CNTNAP2: variants seen among roughly 807,000 people sequenced by gnomAD.
The protein encoded by CNTNAP2 is contactin associated protein 2, also known as contactin-associated protein-like 2.
In CNTNAP2, 98 loss-of-function variants were observed where a neutral mutation model predicts 155.2. That is an observed-to-expected ratio of 0.63 (90% CI 0.54 to 0.75). The LOEUF (loss-of-function observed/expected upper bound fraction) is 0.75, where lower values mean the gene tolerates loss of function less well. CNTNAP2 is among the 30% of genes least tolerant of loss of function. The pLI is 0.00. For missense variants in CNTNAP2, 1,727 were observed against 1,688.1 expected (o/e 1.02, Z -0.40); for synonymous variants, 651 against 631.2 (o/e 1.03, Z -0.47).
intron 22 of CNTNAP2, among the ~76,000 whole-genome samples, chr7:148,395,645 T>C (rs1799450805): frequency 6.6e-6 from 1 of 152,132 alleles, no homozygotes; most frequent in Non-Finnish European, 1.5e-5. Flanking sequence ...TGGCTAAACA[T>C]GACTGGCAGC....
chr7:147,570,280 G>T (rs1035373334), intron 12 of CNTNAP2, among the ~76,000 whole-genome samples: 2 of 152,132 alleles, frequency 1.3e-5, no homozygotes, highest in African/African-American at 4.8e-5. Flanking sequence ...TACCCACCAG[G>T]TGGCTAGAAT....
At chr7:147,162,885 G>C (rs1377663202) in intron 8 of CNTNAP2, among the ~76,000 whole-genome samples, 3 of 152,184 alleles carry the variant, frequency 2.0e-5, no homozygotes, top group Non-Finnish European at 2.9e-5. Context: ...TAGCAATGGA[G>C]CTTTGCTTCT....
At chr7:147,536,129 A>G (rs559604491) in intron 11 of CNTNAP2, among the ~76,000 whole-genome samples, 2 of 152,306 alleles carry the variant, frequency 1.3e-5, no homozygotes, top group African/African-American at 4.8e-5. Context: ...TTGCATCCAC[A>G]GAGTTTACCA....
chr7:146,832,321 A>C (rs1803528257), intron 2 of CNTNAP2, among the ~76,000 whole-genome samples: 2 of 151,976 alleles, frequency 1.3e-5, no homozygotes, highest in African/African-American at 4.8e-5. Flanking sequence ...AATAAAAATT[A>C]GTTTTTCAAA....
chr7:146,502,235 A>G (rs200653332), intron 1 of CNTNAP2, among the ~76,000 whole-genome samples: 73 of 55,998 alleles, frequency 1.3e-3, no homozygotes, highest in African/African-American at 5.5e-3. Flanking sequence ...ATATATATAT[A>G]TATATATATA....
intron 3 of CNTNAP2, among the ~76,000 whole-genome samples, chr7:147,030,460 C>T (rs886486081): frequency 6.6e-6 from 1 of 152,092 alleles, no homozygotes; most frequent in Admixed American, 6.5e-5. Context: ...AGACACCCTC[C>T]TATGCAACAA....
intron 12 of CNTNAP2, among the ~76,000 whole-genome samples, chr7:147,630,974 G>T (rs1290449470): frequency 6.6e-6 from 1 of 151,926 alleles, no homozygotes; most frequent in Non-Finnish European, 1.5e-5. Flanking sequence ...CCTAGCTGTA[G>T]CAATCAGACA....
intron 1 of CNTNAP2, among the ~76,000 whole-genome samples, chr7:146,328,515 CTGTGTGTGTGTGTGTG>C (rs36098013): frequency 6.8e-6 from 1 of 147,110 alleles, no homozygotes; most frequent in African/African-American, 2.5e-5. Flanking sequence ...ACTTAGCGAC[CTGTGTGTGTGTGTGTG>C]TGTGTGTGTG....
intron 13 of CNTNAP2, among the ~76,000 whole-genome samples, chr7:147,716,397 G>C (rs796230969): frequency 2.0e-5 from 3 of 152,180 alleles, no homozygotes; most frequent in African/African-American, 7.2e-5. Flanking sequence ...TGAGCTGGTG[G>C]TGAGGCAGAG....
At chr7:146,571,734 CTTTTT>C (rs376437154) in intron 1 of CNTNAP2, among the ~76,000 whole-genome samples, 2 of 137,678 alleles carry the variant, frequency 1.5e-5, no homozygotes, top group Non-Finnish European at 3.2e-5. Flanking sequence ...TCTTTTCTTT[CTTTTT>C]TTTTTTTTTT....
chr7:146,382,906 C>A (rs1795410599), intron 1 of CNTNAP2, among the ~76,000 whole-genome samples: 1 of 152,034 alleles, frequency 6.6e-6, no homozygotes, highest in African/African-American at 2.4e-5. Context: ...GAAACGACTA[C>A]ATAAAACCTT....
At chr7:146,499,001 C>G (rs757691148) in intron 1 of CNTNAP2, among the ~76,000 whole-genome samples, 4 of 152,152 alleles carry the variant, frequency 2.6e-5, no homozygotes, top group Non-Finnish European at 5.9e-5. Flanking sequence ...TGTTTCAAAG[C>G]AAGTCCTCTA....
chr7:147,347,958 T>C (rs998415162), intron 9 of CNTNAP2, among the ~76,000 whole-genome samples: 3 of 151,918 alleles, frequency 2.0e-5, no homozygotes, highest in African/African-American at 4.8e-5. Context: ...ATAAATGGTG[T>C]TGGGAAAACT....
At position 147,709,152 on chromosome 7, in the gene CNTNAP2, A is replaced by G. The variant is rs1211026024; in HGVS notation, c.2098+69846A>G. Among the ~76,000 whole-genome samples the G allele has an allele frequency of 4.6e-5, 7 of 152,170 alleles. No homozygotes were observed. In the East Asian group the frequency reaches 1.4e-3, roughly 29 times the overall value. ...CAAACCAAGGTTACGCTCTTCTCTC[A>G]GTGATCTCCAGGCAATGGCCGAGCA... On this transcript the variant is annotated intron_variant, in intron 13 of 23. Coordinates refer to ENST00000361727, the MANE Select transcript of CNTNAP2 (RefSeq NM_014141.6).
At chr7:147,985,893 G>A (rs567725001) in intron 15 of CNTNAP2, among the ~76,000 whole-genome samples, 43 of 152,244 alleles carry the variant, frequency 2.8e-4, no homozygotes, top group East Asian at 1.9e-3. Flanking sequence ...ATCTCAGGGC[G>A]CTGGGGCTTT....
intron 13 of CNTNAP2, among the ~76,000 whole-genome samples, chr7:147,801,830 C>T (rs1166690332): frequency 6.6e-6 from 1 of 150,710 alleles, no homozygotes; most frequent in Non-Finnish European, 1.5e-5. Flanking sequence ...TTCTCAATGA[C>T]CTGCTGGGCA....
intron 18 of CNTNAP2, among the ~76,000 whole-genome samples, chr7:148,207,341 A>G (rs1016421291): frequency 1.3e-5 from 2 of 152,158 alleles, no homozygotes; most frequent in South Asian, 4.2e-4. Context: ...GGCTGGCTGG[A>G]GCCACGTGGA....
chr7:146,517,333 A>T (rs1218476668), intron 1 of CNTNAP2, among the ~76,000 whole-genome samples: 2 of 151,992 alleles, frequency 1.3e-5, no homozygotes, highest in Admixed American at 1.3e-4. Context: ...AGGTAATAAA[A>T]ACTTGGTGAA....
At chr7:148,281,145 G>A (rs189460736) in intron 21 of CNTNAP2, among the ~76,000 whole-genome samples, 125 of 152,262 alleles carry the variant, frequency 8.2e-4, no homozygotes, top group Admixed American at 2.8e-3. Flanking sequence ...TAGAGATTAG[G>A]AAATATGTGG....
Sources: allele counts gnomAD v4.1 joint callset (sites outside exome capture counted in the v4.1 genomes callset), GRCh38; gene constraint gnomAD v4.1.1; transcripts MANE v1.5; gene names NCBI Gene and HGNC (gene_info 2026-07-23, HGNC 2026-07-21).